The following TENM4 variants were observed in gnomAD, a reference collection of about 807,000 sequenced individuals.
TENM4 encodes teneurin-4.
TENM4 carries 82 observed loss-of-function variants against 243.3 expected under a neutral mutation model. That is an observed-to-expected ratio of 0.34 (90% CI 0.28 to 0.40). The LOEUF (loss-of-function observed/expected upper bound fraction) is 0.40. Ranked by LOEUF, TENM4 falls within the 10% of genes least tolerant of loss-of-function variation. The pLI is 1.00. For missense variants in TENM4, 3,138 were observed against 3,673.3 expected (o/e 0.85, Z 3.77); for synonymous variants, 1,412 against 1,456.3 (o/e 0.97, Z 0.69).
At chr11:78,750,206 A>C (rs886898679) in intron 19 of TENM4, among the ~76,000 whole-genome samples, 2 of 152,240 alleles carry the variant, frequency 1.3e-5, no homozygotes, top group Non-Finnish European at 2.9e-5. Flanking sequence ...ATACACATAC[A>C]CATGTAACTG....
intron 6 of TENM4, among the ~76,000 whole-genome samples, chr11:79,025,002 C>T (rs544413198): frequency 2.6e-5 from 4 of 152,262 alleles, no homozygotes; most frequent in Non-Finnish European, 4.4e-5. Context: ...ACAGCAACAT[C>T]CCTTGAAAAA....
chr11:79,120,423 A>T (rs1861717447), intron 4 of TENM4, among the ~76,000 whole-genome samples: 1 of 152,242 alleles, frequency 6.6e-6, no homozygotes, highest in South Asian at 2.1e-4. Flanking sequence ...TCAATAAAAC[A>T]CTAACTTAGT....
At chr11:79,174,452 A>G (rs542860483) in intron 3 of TENM4, among the ~76,000 whole-genome samples, 3 of 152,164 alleles carry the variant, frequency 2.0e-5, no homozygotes, top group Non-Finnish European at 2.9e-5. Context: ...TTAAAATGAA[A>G]AAATCGATGC....
At position 78,672,021 on chromosome 11, in the gene TENM4, A is replaced by G; in HGVS notation, c.5793+12T>C. The G allele has an allele frequency of 1.9e-6, 3 of 1,607,216 alleles. No homozygotes were observed. Among genetic ancestry groups the G allele is most frequent in the Non-Finnish European group, 2.6e-6 (3 of 1,175,718 alleles). On this transcript the variant is annotated intron_variant, in intron 31 of 33. Transcript: ENST00000278550. ...ATGGCAAGGCCAGTGATGCAGGGAG[A>G]CAGACACCTGCCTTCTCTAAGTATG...
intron 6 of TENM4, among the ~76,000 whole-genome samples, chr11:78,934,145 C>T (rs1297068344): frequency 6.6e-6 from 1 of 152,118 alleles, no homozygotes; most frequent in African/African-American, 2.4e-5. Flanking sequence ...GGAATGCTGC[C>T]TGGGGAGATC....
At chr11:78,688,315 C>T (rs1858736387) in intron 28 of TENM4, 89 bp from the exon 29 acceptor site, 1 of 1,408,810 alleles carries the variant, frequency 7.1e-7, no homozygotes, top group East Asian at 2.3e-5. Context: ...CATGGTTTTG[C>T]TGTGCTCTGC....
chr11:79,080,245 A>G (rs1860632762), intron 4 of TENM4, among the ~76,000 whole-genome samples: 1 of 152,230 alleles, frequency 6.6e-6, no homozygotes, highest in African/African-American at 2.4e-5. Context: ...AGGCTTTATG[A>G]GATCCTAGGG....
intron 3 of TENM4, among the ~76,000 whole-genome samples, chr11:79,187,624 T>C (rs1193070696): frequency 6.6e-6 from 1 of 152,198 alleles, no homozygotes; most frequent in Admixed American, 6.5e-5. Context: ...CTCCCACTAG[T>C]TCCTATGTTG....
chr11:79,097,610 C>A (rs1455431307), intron 4 of TENM4: 1 of 152,178 alleles, frequency 6.6e-6, no homozygotes, highest in African/African-American at 2.4e-5. Context: ...ATTTTTCCTA[C>A]CCCTTGAACT....
intron 4 of TENM4, among the ~76,000 whole-genome samples, chr11:79,101,433 C>A (rs1372436304): frequency 3.3e-5 from 5 of 152,206 alleles, no homozygotes; most frequent in African/African-American, 1.2e-4. Flanking sequence ...CCTTGGCATG[C>A]TCCAGGACTA....
intron 4 of TENM4, among the ~76,000 whole-genome samples, chr11:79,137,665 G>C (rs1258965773): frequency 6.6e-6 from 1 of 152,052 alleles, no homozygotes; most frequent in Non-Finnish European, 1.5e-5. Flanking sequence ...GCATATATAC[G>C]CTTGTACTAA....
intron 1 of TENM4, among the ~76,000 whole-genome samples, chr11:79,318,548 T>C (rs510746): frequency 0.83 from 126,607 of 152,134 alleles, 53,317 homozygotes; most frequent in African/African-American, 0.94. Context: ...TTTCAAGCTA[T>C]CAAGTTGACG....
At position 78,701,560 on chromosome 11, in the gene TENM4, T is replaced by C. The variant is rs1859103840; in HGVS notation, c.5053A>G (p.Lys1685Glu). The C allele has an allele frequency of 8.8e-6, 14 of 1,597,058 alleles. No homozygotes were observed. Among genetic ancestry groups the C allele is most frequent in the Non-Finnish European group, 1.2e-5 (14 of 1,166,464 alleles). Reference protein sequence around the residue: ...YHGNSGLLATKSNENGWTTFY... With the variant: ...YHGNSGLLATESNENGWTTFY... Reference sequence around the variant, plus strand: ...GTTGTCCATCCGTTTTCATTGCTTTTGGTTGCCAGAAGGCCGGAATTGCCA... The same window carrying C: ...GTTGTCCATCCGTTTTCATTGCTTTCGGTTGCCAGAAGGCCGGAATTGCCA... Residue 1685 changes from lysine to glutamate, a missense_variant, in exon 28 of 34, where the codon AAA (lysine) becomes GAA (glutamate). By Grantham distance (56) the Lys-to-Glu change is moderately conservative. Around this residue, in one of 2 missense-constraint regions of TENM4, gnomAD observed 2,467 missense variants for 3,059.1 expected, o/e 0.81. Transcript: ENST00000278550.
intron 19 of TENM4, among the ~76,000 whole-genome samples, chr11:78,744,860 T>C (rs1856010185): frequency 2.0e-5 from 3 of 151,726 alleles, no homozygotes; most frequent in South Asian, 4.2e-4. Context: ...TCTGCTAAGA[T>C]TGTTGATCAT....
intron 6 of TENM4, among the ~76,000 whole-genome samples, chr11:78,989,304 T>G (rs1199467690): frequency 6.6e-6 from 1 of 152,224 alleles, no homozygotes; most frequent in Non-Finnish European, 1.5e-5. Context: ...TGGGAAAGCA[T>G]CTAGAAATAT....
At chr11:79,386,158 C>T (rs966216903) in intron 1 of TENM4, among the ~76,000 whole-genome samples, 23 of 152,174 alleles carry the variant, frequency 1.5e-4, no homozygotes, top group African/African-American at 4.6e-4. Flanking sequence ...CCTGTGGTAC[C>T]GTGGGGAAAG....
chr11:78,698,145 T>C (rs1859010919), intron 28 of TENM4, among the ~76,000 whole-genome samples: 1 of 152,194 alleles, frequency 6.6e-6, no homozygotes, highest in Non-Finnish European at 1.5e-5. Flanking sequence ...CTCATGCCTG[T>C]AATCCCAGCA....
intron 3 of TENM4, among the ~76,000 whole-genome samples, chr11:79,186,236 C>G (rs1271917221): frequency 6.6e-6 from 1 of 152,074 alleles, no homozygotes; most frequent in Non-Finnish European, 1.5e-5. Flanking sequence ...AGTGACCAGG[C>G]TGGGAGTTAT....
In TENM4 at chr11:79,440,679, A is replaced by C. The variant is rs1319696542; in HGVS notation, c.-491T>G. ...GGGCTCTGCGCTCAGCTCCAGCGAG[A>C]CCAACAATAGCTCCCGCGGGGAGCG... is the stretch of plus-strand genomic sequence containing the variant. On this transcript the variant is annotated 5_prime_UTR_variant, in exon 1 of 34. Coordinates refer to ENST00000278550, the MANE Select transcript of TENM4 (RefSeq NM_001098816.3). This position sits in a 1 kb window ranked among gnomAD's most constrained non-coding sequence, Gnocchi z 4.7. The C allele has an allele frequency of 6.6e-6, 1 of 151,816 alleles. No homozygotes were observed. Among genetic ancestry groups the C allele is most frequent in the Non-Finnish European group, 1.5e-5 (1 of 67,926 alleles). The allele number at this position is 151,816 out of a possible 1,614,324, so 9.4% of individuals were successfully genotyped here. A position where few individuals can be genotyped will look rare whatever the true frequency, so the allele number is the denominator to read the frequency against.
Sources: allele counts gnomAD v4.1 joint callset (sites outside exome capture counted in the v4.1 genomes callset), GRCh38; gene constraint gnomAD v4.1.1; regional missense constraint gnomAD v4.1.1; non-coding constraint Gnocchi (gnomAD v3.1); transcripts MANE v1.5; gene names NCBI Gene and HGNC (gene_info 2026-07-23, HGNC 2026-07-21).